SLC52A3: variants seen among roughly 807,000 people sequenced by gnomAD.
SLC52A3 encodes the protein solute carrier family 52, riboflavin transporter, member 3.
SLC52A3 carries 20 observed loss-of-function variants against 29.5 expected under a neutral mutation model. That is an observed-to-expected ratio of 0.68 (90% CI 0.48 to 0.99). SLC52A3 has a LOEUF of 0.99. Among genes scored for constraint, SLC52A3 ranks in the 50% least tolerant of loss-of-function variants. The pLI, the probability that SLC52A3 is intolerant of heterozygous loss-of-function variation, is 0.00. For missense variants in SLC52A3, 548 were observed against 612.9 expected (o/e 0.89, Z 1.12); for synonymous variants, 301 against 271.0 (o/e 1.11, Z -1.09).
chr20:776,856 T>C (rs1163914858), upstream of SLC52A3, among the ~76,000 whole-genome samples: 10 of 127,440 alleles, frequency 7.8e-5, no homozygotes, highest in Admixed American at 3.1e-4. Flanking sequence ...GAATCGCTTT[T>C]GGGGGGGGGG....
chr20:761,885 C>T (rs988134545), intron 3 of SLC52A3, 61 bp from the exon 4 acceptor site: 1 of 1,610,622 alleles, frequency 6.2e-7, no homozygotes, highest in Non-Finnish European at 8.5e-7. Flanking sequence ...CCCCCCGCCC[C>T]ACTGGGCGGC....
chr20:761,980 C>G (rs909232467), intron 3 of SLC52A3, among the ~76,000 whole-genome samples, 156 bp from the exon 4 acceptor site: 1 of 152,204 alleles, frequency 6.6e-6, no homozygotes, highest in African/African-American at 2.4e-5. Flanking sequence ...CAGGGAGGCT[C>G]CTGAGCAGGC....
rs910313205 is a variant in SLC52A3 at position 761,682 on chromosome 20, C to T, written c.1197+19G>A. On this transcript the variant is annotated intron_variant, in intron 4 of 4. Coordinates refer to ENST00000645534, the MANE Select transcript of SLC52A3 (RefSeq NM_033409.4). Reference sequence around the variant, plus strand: ...TGAGGGGTACGCAGCGGGAGCAGCCCCACCGGCCGGATACTCACAATGAGG... The same window carrying T: ...TGAGGGGTACGCAGCGGGAGCAGCCTCACCGGCCGGATACTCACAATGAGG... The T allele has an allele frequency of 1.9e-6, 3 of 1,613,220 alleles. No individual in the cohort carries two copies. The highest frequency in any genetic ancestry group is 1.7e-5 in the Admixed American group (1 of 59,976).
chr20:768,332 A>G lies in SLC52A3; in HGVS notation c.-87T>C, dbSNP rs1346426912. 1 of 152,240 alleles carries G rather than the reference A, an allele frequency of 6.6e-6. No individual in the cohort carries two copies. Among genetic ancestry groups the G allele is most frequent in the East Asian group, 1.9e-4 (1 of 5,198 alleles). The allele number at this position is 152,240 out of a possible 1,614,324, so 9.4% of individuals were successfully genotyped here. Reference sequence around the variant, plus strand: ...TGCACCTTTTTGTAGAGACACGCTAACTGGGCCAATCTTCACGTTTTGTAG... The same window carrying G: ...TGCACCTTTTTGTAGAGACACGCTAGCTGGGCCAATCTTCACGTTTTGTAG... On this transcript the variant is annotated 5_prime_UTR_variant, in exon 1 of 5. Coordinates refer to ENST00000645534, the MANE Select transcript of SLC52A3 (RefSeq NM_033409.4).
At chr20:777,281 A>AT (rs1235949759), upstream of SLC52A3, among the ~76,000 whole-genome samples, 1 of 151,478 alleles carries the variant, frequency 6.6e-6, no homozygotes, top group Non-Finnish European at 1.5e-5. Context: ...ACAAAAAAAA[A>AT]ACACCAACTG....
At chr20:775,421 A>G (rs1390337069) in intron 1 of SLC52A3, among the ~76,000 whole-genome samples, 1 of 151,828 alleles carries the variant, frequency 6.6e-6, no homozygotes, top group Non-Finnish European at 1.5e-5. Context: ...CTATTAACCC[A>G]TGCCACCACG....
At chr20:768,635 G>A (rs1474743237), upstream of SLC52A3, 1 of 152,236 alleles carries the variant, frequency 6.6e-6, no homozygotes, top group Non-Finnish European at 1.5e-5. Flanking sequence ...CCAATGCTCA[G>A]TGGCCTTTCT....
At chr20:762,998 G>A (rs1246650835) in intron 3 of SLC52A3, among the ~76,000 whole-genome samples, 1 of 152,220 alleles carries the variant, frequency 6.6e-6, no homozygotes, top group Non-Finnish European at 1.5e-5. Flanking sequence ...AACTTGCCCA[G>A]CCATTCTTCT....
At chr20:779,570 G>T (rs1339915531), upstream of SLC52A3, among the ~76,000 whole-genome samples, 1 of 152,214 alleles carries the variant, frequency 6.6e-6, no homozygotes, top group East Asian at 1.9e-4. Context: ...AGTAAGCTGA[G>T]ATTGCACCAC....
At chr20:764,314 A>G (rs920992183) in intron 2 of SLC52A3, among the ~76,000 whole-genome samples, 17 of 152,168 alleles carry the variant, frequency 1.1e-4, no homozygotes, top group Non-Finnish European at 1.5e-5. Flanking sequence ...AATGTGGCAA[A>G]GCCAGACTCC....
Position 763,616 on chromosome 20 carries a change from G to A in SLC52A3, c.955C>T (p.Pro319Ser), listed in dbSNP as rs797045195. The A allele has an allele frequency of 6.2e-6, 10 of 1,614,206 alleles. No individual in the cohort carries two copies. Among genetic ancestry groups the A allele is most frequent in the Non-Finnish European group, 8.5e-6 (10 of 1,180,030 alleles). The change falls in exon 3 of 5, where the codon CCC becomes TCC. Residue 319 changes from proline to serine, a missense_variant. By Grantham distance (74) the Pro-to-Ser change is moderately conservative. Around this residue, in one of 2 missense-constraint regions of SLC52A3, gnomAD observed 375 missense variants for 471.1 expected, o/e 0.80. Coordinates refer to ENST00000645534, the MANE Select transcript of SLC52A3 (RefSeq NM_033409.4). ...FVNALTNGML[P>S]SVQTYSCLSY... ...AGGCAGGAGTAGGTCTGCACAGAGG[G>A]CAGCATGCCGTTGGTGAGCGCGTTG...
At chr20:779,369 C>T (rs1256271919), upstream of SLC52A3, among the ~76,000 whole-genome samples, 1 of 152,196 alleles carries the variant, frequency 6.6e-6, no homozygotes. Context: ...CGCCTGTAAT[C>T]CCAGCACTTT....
chr20:765,477 G>C lies in SLC52A3; in HGVS notation c.298C>G (p.Leu100Val). The C allele has an allele frequency of 6.3e-7, 1 of 1,599,806 alleles. No homozygotes were observed. Among genetic ancestry groups the C allele is most frequent in the South Asian group, 1.1e-5 (1 of 89,282 alleles). Residue 100 changes from leucine (L) to valine (V), a missense_variant, in exon 2 of 5, where the codon CTG becomes GTG. Transcript: ENST00000645534. The surrounding 1 kb of genome is among the most constrained non-coding windows in gnomAD (Gnocchi z 6.6). ...AAGGCGATGCTGTGGTGGCCGTCCA[G>C]CACCCAGGAGGTCATATTCCAGAGG... ...AFLWNMTSWV[L>V]DGHHSIAFLV... is the part of the protein sequence containing the mutation.
upstream of SLC52A3, among the ~76,000 whole-genome samples, chr20:778,170 C>A (rs574199086): frequency 6.6e-6 from 1 of 152,262 alleles, no homozygotes; most frequent in African/African-American, 2.4e-5. Flanking sequence ...CGCACGCCAC[C>A]ATGCCCAGCT....
At chr20:761,577 TG>T (rs1986481076) in intron 4 of SLC52A3, 123 bp downstream of exon 4, 2 of 1,464,640 alleles carry the variant, frequency 1.4e-6, no homozygotes, top group Non-Finnish European at 9.3e-7. Flanking sequence ...TTCCCCCACC[TG>T]GGGCTTCCCG....
intron 1 of SLC52A3, among the ~76,000 whole-genome samples, chr20:766,705 G>T (rs900574832): frequency 1.3e-5 from 2 of 152,054 alleles, no homozygotes; most frequent in African/African-American, 2.4e-5. Flanking sequence ...TCTCTTTTCG[G>T]ACTCAGCCCG....
At chr20:777,715 T>C (rs1987101840), upstream of SLC52A3, among the ~76,000 whole-genome samples, 1 of 152,154 alleles carries the variant, frequency 6.6e-6, no homozygotes, top group African/African-American at 2.4e-5. Flanking sequence ...GAGCAGGCAC[T>C]AGGGAAGGGG....
upstream of SLC52A3, among the ~76,000 whole-genome samples, chr20:772,086 A>T (rs1333279768): frequency 6.6e-6 from 1 of 152,282 alleles, no homozygotes; most frequent in Non-Finnish European, 1.5e-5. Context: ...GAGAGTGTCC[A>T]GTTAAACATT....
rs1986633498 is a variant in SLC52A3 at position 765,217 on chromosome 20, G to A, written c.558C>T (p.Asp186=). 6.2e-7 allele frequency: 1 copy of A among 1,614,182 alleles called. No homozygotes were observed. The highest frequency in any genetic ancestry group is 1.3e-5 in the African/African-American group (1 of 75,044). ...GGGTGATGCTGGGTACCTGTGCGAT[G>A]TCAGTCTCCCTCGTGGGTACAGGGC... is the stretch of plus-strand genomic sequence containing the variant. ...VPSPVPTRET[D]IAQGVPRALV... Residue 186 remains aspartate, a synonymous_variant, in exon 2 of 5, where the codon GAC becomes GAT. Transcript: ENST00000645534. This position sits in a 1 kb window ranked among gnomAD's most constrained non-coding sequence, Gnocchi z 6.6.
Sources: allele counts gnomAD v4.1 joint callset (sites outside exome capture counted in the v4.1 genomes callset), GRCh38; gene constraint gnomAD v4.1.1; regional missense constraint gnomAD v4.1.1; non-coding constraint Gnocchi (gnomAD v3.1); transcripts MANE v1.5; gene names NCBI Gene and HGNC (gene_info 2026-07-23, HGNC 2026-07-21).